JAK1: variants seen among roughly 807,000 people sequenced by gnomAD.
JAK1 encodes the protein tyrosine-protein kinase JAK1.
In JAK1, 16 loss-of-function variants were observed where a neutral mutation model predicts 136.6. That is an observed-to-expected ratio of 0.12 (90% CI 0.08 to 0.18). JAK1 has a LOEUF of 0.18. Among genes scored for constraint, JAK1 ranks in the 10% least tolerant of loss-of-function variants. The pLI is 1.00. For synonymous variants in JAK1, 492 were observed against 519.5 expected (o/e 0.95, Z 0.72); for missense variants, 859 against 1,450.1 (o/e 0.59, Z 6.62).
At chr1:64,966,261 G>C (rs896540532) in intron 1 of JAK1, 72 bp downstream of exon 1, 1 of 152,360 alleles carries the variant, frequency 6.6e-6, no homozygotes, top group African/African-American at 2.4e-5. Flanking sequence ...CCTCCGGCCA[G>C]TCCGGGCTGC....
At chr1:64,853,876 A>C (rs1655755931) in intron 11 of JAK1, among the ~76,000 whole-genome samples, 1 of 152,154 alleles carries the variant, frequency 6.6e-6, no homozygotes, top group South Asian at 2.1e-4. Context: ...TTAAGAGTTC[A>C]CAGTCAGGTG....
rs1319793732 is a variant in JAK1, at chr1:64,864,748, C to A, written c.1176+39G>T. 6 of 1,477,174 alleles carry A rather than the reference C, an allele frequency of 4.1e-6. No individual in the cohort carries two copies. In the South Asian group the frequency reaches 7.1e-5, roughly 17 times the overall value. 91.5% of individuals were successfully genotyped at this position (1,477,174 alleles called of 1,614,324 possible). Reference sequence around the variant, plus strand: ...GGAACTCAGCAATTCTCCCTCTCATCACCAGATCCAGACTTAAGAGCTTCT... The same window carrying A: ...GGAACTCAGCAATTCTCCCTCTCATAACCAGATCCAGACTTAAGAGCTTCT... On this transcript the variant is annotated intron_variant, in intron 8 of 24. Coordinates refer to ENST00000342505, the MANE Select transcript of JAK1 (RefSeq NM_002227.4).
intron 17 of JAK1, among the ~76,000 whole-genome samples, chr1:64,843,690 T>C (rs1405310542): frequency 6.6e-6 from 1 of 152,060 alleles, no homozygotes; most frequent in Non-Finnish European, 1.5e-5. Context: ...CCAAGCTTGA[T>C]GCCTGATACA....
At chr1:64,911,195 G>T (rs1222823015) in intron 1 of JAK1, among the ~76,000 whole-genome samples, 1 of 152,126 alleles carries the variant, frequency 6.6e-6, no homozygotes, top group Non-Finnish European at 1.5e-5. Context: ...ATTTGGTGAG[G>T]GATTTGGGGC....
At chr1:64,978,767 C>T (rs899108329) in intron 2 of JAK1, among the ~76,000 whole-genome samples, 12 of 151,810 alleles carry the variant, frequency 7.9e-5, no homozygotes, top group African/African-American at 2.9e-4. Context: ...TAAGCAGATG[C>T]TATTCTGACA....
chr1:65,044,924 T>C (rs1005429881), intron 1 of JAK1, among the ~76,000 whole-genome samples: 1 of 149,990 alleles, frequency 6.7e-6, no homozygotes, highest in African/African-American at 2.5e-5. Flanking sequence ...TACCAGGTTG[T>C]TGGAACAAAT....
rs2100994089 is a variant in JAK1 at position 64,844,767 on chromosome 1, C to A, written c.2238G>T (p.Val746=). 6.2e-7 allele frequency: 1 copy of A among 1,614,188 alleles called. No homozygotes were observed. Among genetic ancestry groups the A allele is most frequent in the East Asian group, 2.2e-5 (1 of 44,878 alleles). Residue 746 remains valine (V), a synonymous_variant, in exon 16 of 25, where the codon GTG becomes GTT. Coordinates refer to ENST00000342505, the MANE Select transcript of JAK1 (RefSeq NM_002227.4). The surrounding 1 kb of genome is among the most constrained non-coding windows in gnomAD (Gnocchi z 5.7). ...GGGGAGACACACCTTGCCTAGACAG[C>A]ACCGTAATGGGGATGCCGGGGTCAC... ...KLSDPGIPIT[V]LSRQECIERI...
At chr1:64,891,761 A>G (rs1241405112) in intron 1 of JAK1, among the ~76,000 whole-genome samples, 1 of 152,268 alleles carries the variant, frequency 6.6e-6, no homozygotes, top group Non-Finnish European at 1.5e-5. Context: ...ACGACATCAT[A>G]TAAATACAAA....
At chr1:64,885,997 A>G (rs1203680068) in intron 2 of JAK1, among the ~76,000 whole-genome samples, 1 of 152,252 alleles carries the variant, frequency 6.6e-6, no homozygotes. Context: ...AAAATCTAGA[A>G]GAACGTACAA....
intron 3 of JAK1, 24 bp from the exon 4 acceptor site, chr1:64,879,172 T>A (rs1258457016): frequency 3.7e-6 from 6 of 1,612,576 alleles, no homozygotes; most frequent in Non-Finnish European, 5.1e-6. Context: ...AAAAAACACA[T>A]CAGAAAATCA....
At chr1:64,994,158 C>G (rs1437312960) in intron 2 of JAK1, among the ~76,000 whole-genome samples, 1 of 152,228 alleles carries the variant, frequency 6.6e-6, no homozygotes, top group Non-Finnish European at 1.5e-5. Context: ...CCAGGCTGGT[C>G]TCAAACTCTT....
upstream of JAK1, among the ~76,000 whole-genome samples, chr1:64,967,120 A>G (rs569528063): frequency 6.6e-6 from 1 of 152,114 alleles, no homozygotes; most frequent in East Asian, 1.9e-4. Flanking sequence ...TACCTAATGC[A>G]TGTACAGCGC....
At chr1:64,856,705 G>A (rs771542123) in intron 10 of JAK1, among the ~76,000 whole-genome samples, 5 of 152,202 alleles carry the variant, frequency 3.3e-5, no homozygotes, top group African/African-American at 9.6e-5. Context: ...CTGAGCCACG[G>A]AGCCCCGAGG....
intron 11 of JAK1, 101 bp from the exon 12 acceptor site, chr1:64,851,011 G>A (rs746901131): frequency 1.7e-5 from 13 of 755,152 alleles, no homozygotes; most frequent in Admixed American, 4.1e-5. Context: ...GTGTGCGGGC[G>A]CTTGCTGCTT....
chr1:64,953,047 T>C (rs541092961), intron 1 of JAK1, among the ~76,000 whole-genome samples: 2 of 152,330 alleles, frequency 1.3e-5, no homozygotes, highest in South Asian at 2.1e-4. Flanking sequence ...ATCTTATTAC[T>C]GATGTTTCTG....
chr1:65,019,086 G>A (rs1358642797), intron 2 of JAK1, among the ~76,000 whole-genome samples: 1 of 152,022 alleles, frequency 6.6e-6, no homozygotes, highest in Non-Finnish European at 1.5e-5. Context: ...TAAATAAGTT[G>A]AATCGTTTAC....
intron 1 of JAK1, among the ~76,000 whole-genome samples, chr1:64,913,902 A>T (rs762700694): frequency 6.6e-6 from 1 of 152,250 alleles, no homozygotes; most frequent in Non-Finnish European, 1.5e-5. Flanking sequence ...GGCAGAAATA[A>T]GAGCACAAGT....
At chr1:64,991,060 A>T (rs1323637716) in intron 2 of JAK1, among the ~76,000 whole-genome samples, 1 of 152,168 alleles carries the variant, frequency 6.6e-6, no homozygotes, top group African/African-American at 2.4e-5. Context: ...AAAGAGCTAA[A>T]GGAAAATGTG....
intron 2 of JAK1, among the ~76,000 whole-genome samples, chr1:64,978,005 C>T (rs1214934150): frequency 8.0e-5 from 12 of 150,794 alleles, no homozygotes; most frequent in Admixed American, 2.6e-4. Flanking sequence ...CTTGGCTGGA[C>T]GTGGTGGCTC....
Sources: allele counts gnomAD v4.1 joint callset (sites outside exome capture counted in the v4.1 genomes callset), GRCh38; gene constraint gnomAD v4.1.1; non-coding constraint Gnocchi (gnomAD v3.1); transcripts MANE v1.5; gene names NCBI Gene and HGNC (gene_info 2026-07-23, HGNC 2026-07-21).